SLC25A40: variants seen among roughly 807,000 people sequenced by gnomAD.
SLC25A40 encodes solute carrier family 25 member 40.
In SLC25A40, 41 loss-of-function variants were observed where a neutral mutation model predicts 46.5. The observed-to-expected ratio is 0.88, with a 90% confidence interval of 0.69 to 1.14. SLC25A40 has a LOEUF of 1.14. Ranked by LOEUF, SLC25A40 falls within the 50% of genes most tolerant of loss-of-function variation. The pLI, the probability that SLC25A40 is intolerant of heterozygous loss-of-function variation, is 0.00. For synonymous variants in SLC25A40, 126 were observed against 127.5 expected, an observed-to-expected ratio of 0.99 and a Z score of 0.08; for missense variants, 386 against 393.6, an observed-to-expected ratio of 0.98 and a Z score of 0.16.
chr7:87,854,095 C>T lies in SLC25A40; in HGVS notation c.264+109G>A. The T allele has an allele frequency of 5.4e-6, 4 of 737,852 alleles. No homozygotes were observed. In the South Asian group the frequency reaches 6.9e-5, roughly 13 times the overall value. The allele number at this position is 737,852 out of a possible 1,614,324, so 45.7% of individuals were successfully genotyped here. A position where few individuals can be genotyped will look rare whatever the true frequency, so the allele number is the denominator to read the frequency against. On this transcript the variant is annotated intron_variant, in intron 5 of 11. Transcript: ENST00000341119. ...AGGGTTAAAAGCAAAGAAGTAGTTC[C>T]CTGTTCTCAGTTTAATATGATTCTT...
At chr7:87,843,397 C>T (rs1838364706) in intron 9 of SLC25A40, among the ~76,000 whole-genome samples, 1 of 151,960 alleles carries the variant, frequency 6.6e-6, no homozygotes, top group Non-Finnish European at 1.5e-5. Context: ...GCTAGAAGTG[C>T]TTAATGCATA....
At chr7:87,863,682 T>C (rs1009256258) in intron 1 of SLC25A40, among the ~76,000 whole-genome samples, 1 of 151,812 alleles carries the variant, frequency 6.6e-6, no homozygotes, top group African/African-American at 2.4e-5. Context: ...AATTGGGATA[T>C]ACATCATTTT....
chr7:87,836,179 A>C lies in SLC25A40; in HGVS notation c.*70T>G, dbSNP rs1562740260. ...AAATCATTGTGAGAGAATAATGGTG[A>C]AAAACATTCTTGCCTAAGAGTCTCC... On this transcript the variant is annotated 3_prime_UTR_variant, in exon 12 of 12. Transcript: ENST00000341119. The C allele has an allele frequency of 3.3e-6, 3 of 902,600 alleles. No homozygotes were observed. Among genetic ancestry groups the C allele is most frequent in the Non-Finnish European group, 5.1e-6 (3 of 584,524 alleles). The allele number at this position is 902,600 out of a possible 1,614,324, so 55.9% of individuals were successfully genotyped here.
chr7:87,842,111 A>G (rs1393029064), intron 9 of SLC25A40: 1 of 275,948 alleles, frequency 3.6e-6, no homozygotes, highest in Admixed American at 4.7e-5. Flanking sequence ...GAGCATTTAA[A>G]AATTTCCAGC....
At chr7:87,839,779 A>G (rs1236207918) in intron 10 of SLC25A40, among the ~76,000 whole-genome samples, 3 of 151,776 alleles carry the variant, frequency 2.0e-5, no homozygotes, top group African/African-American at 7.2e-5. Context: ...TAATTGACTA[A>G]TGAATGAAGA....
chr7:87,849,860 A>C (rs1838481620), intron 6 of SLC25A40, 21 bp downstream of exon 6: 1 of 1,517,704 alleles, frequency 6.6e-7, no homozygotes, highest in Non-Finnish European at 9.0e-7. Context: ...TTAGTAGAAA[A>C]AACATTAAAT....
chr7:87,844,123 A>T (rs1319864441), intron 8 of SLC25A40: 2 of 326,530 alleles, frequency 6.1e-6, no homozygotes, highest in Non-Finnish European at 8.8e-6. Context: ...GGACAACGGG[A>T]CAAAGGAAAA....
chr7:87,858,327 T>C (rs937901390), intron 3 of SLC25A40, among the ~76,000 whole-genome samples: 4 of 152,194 alleles, frequency 2.6e-5, no homozygotes, highest in Non-Finnish European at 5.9e-5. Context: ...TGTTCTCCTT[T>C]TTACCCTTTG....
At chr7:87,845,548 G>A (rs1838403023) in intron 8 of SLC25A40, among the ~76,000 whole-genome samples, 1 of 151,066 alleles carries the variant, frequency 6.6e-6, no homozygotes, top group East Asian at 1.9e-4. Context: ...ACGCGCTCAT[G>A]CACACACACA....
intron 10 of SLC25A40, among the ~76,000 whole-genome samples, chr7:87,841,176 T>TAC (rs1056797825): frequency 4.0e-5 from 6 of 148,618 alleles, no homozygotes; most frequent in Non-Finnish European, 7.5e-5. Flanking sequence ...TATATATATA[T>TAC]ACATATATAT....
chr7:87,867,894 T>C (rs1228506626), intron 1 of SLC25A40, among the ~76,000 whole-genome samples: 1 of 152,246 alleles, frequency 6.6e-6, no homozygotes, highest in Non-Finnish European at 1.5e-5. Context: ...AGAGAATGTA[T>C]CACAGCAGTG....
chr7:87,841,133 A>ATGTGTGTGTG (rs561277692), intron 10 of SLC25A40, among the ~76,000 whole-genome samples: 1 of 142,910 alleles, frequency 7.0e-6, no homozygotes, highest in African/African-American at 2.5e-5. Context: ...TAAAAACAAA[A>ATGTGTGTGTG]TGTGTGTGTG....
chr7:87,867,225 C>T (rs556348487), intron 1 of SLC25A40, among the ~76,000 whole-genome samples: 1 of 152,186 alleles, frequency 6.6e-6, no homozygotes, highest in South Asian at 2.1e-4. Flanking sequence ...CTCTTGAACA[C>T]CAATAATTCT....
chr7:87,847,297 C>G (rs1157572321), intron 7 of SLC25A40, among the ~76,000 whole-genome samples, 175 bp from the exon 8 acceptor site: 1 of 152,026 alleles, frequency 6.6e-6, no homozygotes, highest in Non-Finnish European at 1.5e-5. Context: ...ACAGATTTTT[C>G]CCTTGACAAA....
rs1838237222 is a variant in SLC25A40, at chr7:87,834,990, C to G, written c.*1259G>C. ...GTACAAAATCAATTAGTTCCTCTAC[C>G]AGCACTAAAGACTTGTCATCTAAAT... is the stretch of plus-strand genomic sequence containing the variant. On this transcript the variant is annotated 3_prime_UTR_variant, in exon 12 of 12. Transcript: ENST00000341119. 6.6e-6 allele frequency: 1 copy of G among 151,178 alleles called. No individual in the cohort carries two copies. Among genetic ancestry groups the G allele is most frequent in the Admixed American group, 6.6e-5 (1 of 15,110 alleles). 9.4% of individuals were successfully genotyped at this position (151,178 alleles called of 1,614,324 possible).
intron 3 of SLC25A40, 172 bp from the exon 4 acceptor site, chr7:87,856,523 A>C (rs1838618375): frequency 6.0e-6 from 4 of 670,298 alleles, no homozygotes; most frequent in Non-Finnish European, 8.1e-6. Flanking sequence ...TTTGCCCTTA[A>C]ATTTTGTTAA....
chr7:87,845,500 T>C (rs1389847804), intron 8 of SLC25A40, among the ~76,000 whole-genome samples: 1 of 152,128 alleles, frequency 6.6e-6, no homozygotes, highest in Non-Finnish European at 1.5e-5. Context: ...TGCCTGGTGA[T>C]CTGAGGTGGA....
rs781388160 is a variant in SLC25A40 at position 87,843,856 on chromosome 7, G to A, written c.639C>T (p.Tyr213=). 21 of 1,578,588 alleles carry A rather than the reference G, an allele frequency of 1.3e-5. No individual in the cohort carries two copies. The highest frequency in any genetic ancestry group is 1.7e-5 in the Non-Finnish European group (20 of 1,155,070). Reference sequence around the variant, plus strand: ...TCTTTAAAATTTCATAGTTATACCAGTACATTGCTATAAAAACAGAGAATG... The same window carrying A: ...TCTTTAAAATTTCATAGTTATACCAATACATTGCTATAAAAACAGAGAATG... ...VLRDVPFSAM[Y]WYNYEILKKW... is the part of the protein sequence containing the mutation. Residue 213 remains tyrosine (Y), a synonymous_variant, in exon 9 of 12, where the codon TAC becomes TAT. Coordinates refer to ENST00000341119, the MANE Select transcript of SLC25A40 (RefSeq NM_018843.4).
chr7:87,866,298 G>C (rs1254335767), intron 1 of SLC25A40, among the ~76,000 whole-genome samples: 1 of 152,016 alleles, frequency 6.6e-6, no homozygotes, highest in Non-Finnish European at 1.5e-5. Context: ...GGGTATATTT[G>C]CTGGATACAG....
Sources: allele counts gnomAD v4.1 joint callset (sites outside exome capture counted in the v4.1 genomes callset), GRCh38; gene constraint gnomAD v4.1.1; transcripts MANE v1.5; gene names NCBI Gene and HGNC (gene_info 2026-07-23, HGNC 2026-07-21).